Variants in OR1J2 observed in about 807,000 individuals in gnomAD.
The protein encoded by OR1J2 is olfactory receptor family 1 subfamily J member 2.
For synonymous variants in OR1J2, 142 were observed against 99.7 expected (o/e 1.42, Z -2.52); for missense variants, 304 against 246.1 (o/e 1.24, Z -1.57).
chr9:122,550,902 G>T, the OR1J2 span, among the ~76,000 whole-genome samples: 1 of 151,152 alleles, frequency 6.6e-6, no homozygotes, highest in Non-Finnish European at 1.5e-5. Context: ...TTAACTGGAA[G>T]TCCTTAACCA....
chr9:122,550,868 C>G, the OR1J2 span, among the ~76,000 whole-genome samples: 85 of 151,946 alleles, frequency 5.6e-4, no homozygotes, highest in African/African-American at 1.7e-3. Context: ...TTCATCACTC[C>G]TATTCAACAT....
At chr9:122,465,145 TAAACTAGTGCAC>T in the OR1J2 span, among the ~76,000 whole-genome samples, 2 of 152,170 alleles carry the variant, frequency 1.3e-5, no homozygotes, top group South Asian at 4.1e-4. Context: ...CTTGTCAGGA[TAAACTAGTGCAC>T]AAACAGCCAA....
At chr9:122,515,052 A>C (rs1198377886), downstream of OR1J2, among the ~76,000 whole-genome samples, 2 of 152,164 alleles carry the variant, frequency 1.3e-5, no homozygotes, top group African/African-American at 4.8e-5. Flanking sequence ...CAATTAATGC[A>C]TGTTTATTTA....
chr9:122,529,037 T>C, the OR1J2 span, among the ~76,000 whole-genome samples: 2 of 152,236 alleles, frequency 1.3e-5, no homozygotes, highest in African/African-American at 4.8e-5. Context: ...ACTAAAGCAC[T>C]GTTTGTATTC....
chr9:122,451,131 C>T, the OR1J2 span, among the ~76,000 whole-genome samples: 1 of 149,106 alleles, frequency 6.7e-6, no homozygotes, highest in Admixed American at 6.7e-5. Context: ...TCTCTCTTCC[C>T]TTTTTCTCCA....
the OR1J2 span, among the ~76,000 whole-genome samples, chr9:122,448,027 G>T: frequency 6.6e-6 from 1 of 152,146 alleles, no homozygotes; most frequent in Non-Finnish European, 1.5e-5. Flanking sequence ...TATAGAGAAA[G>T]AACAGTGGGC....
chr9:122,469,208 G>C, the OR1J2 span, among the ~76,000 whole-genome samples: 12 of 152,178 alleles, frequency 7.9e-5, no homozygotes, highest in Admixed American at 2.6e-4. Context: ...GCTTGGCTCT[G>C]TGTCCCCACC....
chr9:122,567,329 T>C, the OR1J2 span: 1 of 418,412 alleles, frequency 2.4e-6, no homozygotes. Context: ...AATAAATCTT[T>C]CCAAGAAAGA....
chr9:122,564,893 G>T, the OR1J2 span, among the ~76,000 whole-genome samples: 1 of 152,218 alleles, frequency 6.6e-6, no homozygotes, highest in East Asian at 1.9e-4. Flanking sequence ...CAGAATTCTC[G>T]ACCACTTGTC....
the OR1J2 span, among the ~76,000 whole-genome samples, chr9:122,520,724 T>C: frequency 6.6e-6 from 1 of 152,202 alleles, no homozygotes; most frequent in African/African-American, 2.4e-5. Context: ...AACAAAAAAG[T>C]CTTCACAGTC....
chr9:122,477,957 T>A, the OR1J2 span: 1 of 1,495,418 alleles, frequency 6.7e-7, no homozygotes, highest in South Asian at 1.3e-5. Context: ...ACTAGGGAAA[T>A]TTGAAGGAAA....
chr9:122,539,015 A>G, the OR1J2 span, among the ~76,000 whole-genome samples: 3 of 152,024 alleles, frequency 2.0e-5, no homozygotes, highest in Admixed American at 2.0e-4. Flanking sequence ...TACCCCCTGA[A>G]TCTAAAGTTA....
the OR1J2 span, among the ~76,000 whole-genome samples, chr9:122,529,403 G>A: frequency 6.6e-6 from 1 of 152,220 alleles, no homozygotes; most frequent in Non-Finnish European, 1.5e-5. Context: ...TTTTAGGGAA[G>A]AGCAGCATCT....
chr9:122,477,760 T>A, the OR1J2 span: 3 of 1,612,736 alleles, frequency 1.9e-6, no homozygotes, highest in Admixed American at 5.0e-5. Flanking sequence ...CATGGGGGTG[T>A]GAAGGTGAGA....
chr9:122,491,790 A>C, the OR1J2 span, among the ~76,000 whole-genome samples: 1 of 152,114 alleles, frequency 6.6e-6, no homozygotes, highest in Non-Finnish European at 1.5e-5. Flanking sequence ...AAGAGTGGGA[A>C]GGAAGGACCT....
the OR1J2 span, chr9:122,553,748 T>C: frequency 6.2e-7 from 1 of 1,613,968 alleles, no homozygotes. Flanking sequence ...CCATCCCTCA[T>C]TTCTATTGTG....
chr9:122,524,951 T>C, the OR1J2 span, among the ~76,000 whole-genome samples: 7 of 152,136 alleles, frequency 4.6e-5, no homozygotes, highest in Non-Finnish European at 7.4e-5. Flanking sequence ...GTTCAAATGA[T>C]AGAAGAAAGC....
At chr9:122,568,047 A>C in the OR1J2 span, 1 of 1,613,984 alleles carries the variant, frequency 6.2e-7, no homozygotes, top group African/African-American at 1.3e-5. Flanking sequence ...GGCCACCAGC[A>C]GGACACAGTG....
chr9:122,523,942 A>C, the OR1J2 span, among the ~76,000 whole-genome samples: 1 of 152,166 alleles, frequency 6.6e-6, no homozygotes, highest in Non-Finnish European at 1.5e-5. Context: ...AAAGATTTAT[A>C]AGTCACCTGT....
Sources: allele counts gnomAD v4.1 joint callset (sites outside exome capture counted in the v4.1 genomes callset), GRCh38; gene constraint gnomAD v4.1.1; transcripts MANE v1.5; gene names NCBI Gene and HGNC (gene_info 2026-07-23, HGNC 2026-07-21).